The following DDX60L variants were observed in gnomAD, a reference collection of about 807,000 sequenced individuals.
DDX60L encodes the protein probable ATP-dependent RNA helicase DDX60-like.
A neutral mutation model predicts 211.6 loss-of-function variants in DDX60L; 191 were observed. The ratio of observed to expected loss-of-function variants is 0.90; its 90% confidence interval spans 0.80 to 1.02. The LOEUF is 1.02. Among genes scored for constraint, DDX60L ranks in the 50% least tolerant of loss-of-function variants. DDX60L has a pLI of 0.00. For missense variants in DDX60L, 2,007 were observed against 1,984.1 expected (o/e 1.01, Z -0.22); for synonymous variants, 706 against 694.1 (o/e 1.02, Z -0.27).
intron 29 of DDX60L, chr4:168,390,065 T>G (rs1744528415): frequency 1.1e-6 from 1 of 904,354 alleles, no homozygotes; most frequent in Non-Finnish European, 1.3e-6. Flanking sequence ...CAGAAAGGTC[T>G]GCCACCTGAC....
chr4:168,419,133 A>T (rs908600392), intron 19 of DDX60L, among the ~76,000 whole-genome samples, 169 bp downstream of exon 19: 5 of 152,188 alleles, frequency 3.3e-5, no homozygotes, highest in Admixed American at 2.6e-4. Context: ...TAGTAAAAAC[A>T]CTTTTCTAAA....
In DDX60L at chr4:168,390,965, C is replaced by T. The variant is rs575873246; in HGVS notation, c.3915+575G>A. ...ATTCCACTAAAATGATAACAAAAAC[C>T]TTTTTAAAAAAAAAGCATACTCCCA... On this transcript the variant is annotated intron_variant, in intron 29 of 37. Transcript: ENST00000682922. 2.2e-3 allele frequency among the ~76,000 whole-genome samples: 307 copies of T among 142,670 alleles called. 2 individuals are homozygous for T. The highest frequency in any genetic ancestry group is 7.6e-3 in the African/African-American group (298 of 39,304). The allele number at this position is 142,670 out of a possible 152,430, so 93.6% of individuals were successfully genotyped here. A position where few individuals can be genotyped will look rare whatever the true frequency, so the allele number is the denominator to read the frequency against.
intron 19 of DDX60L, among the ~76,000 whole-genome samples, chr4:168,417,902 C>T (rs1429300913): frequency 1.3e-5 from 2 of 152,122 alleles, no homozygotes; most frequent in Non-Finnish European, 2.9e-5. Context: ...TTTTCATATC[C>T]CTTCTGACTT....
chr4:168,387,375 T>C (rs1372636990), intron 29 of DDX60L, among the ~76,000 whole-genome samples: 3 of 152,222 alleles, frequency 2.0e-5, no homozygotes, highest in Admixed American at 6.5e-5. Flanking sequence ...AGAGCTCAAC[T>C]ATTTCAACCA....
At chr4:168,452,291 T>C (rs1308052681) in intron 8 of DDX60L, among the ~76,000 whole-genome samples, 2 of 152,188 alleles carry the variant, frequency 1.3e-5, no homozygotes. Flanking sequence ...TTTCAGAAAA[T>C]CTATTCAAGG....
chr4:168,415,858 T>C, intron 20 of DDX60L, 59 bp from the exon 21 acceptor site: 2 of 1,337,198 alleles, frequency 1.5e-6, no homozygotes, highest in Non-Finnish European at 2.0e-6. Flanking sequence ...ATCAAGAACT[T>C]GGATATTTTA....
intron 20 of DDX60L, among the ~76,000 whole-genome samples, chr4:168,416,118 G>A (rs985201850): frequency 2.6e-5 from 4 of 152,196 alleles, no homozygotes; most frequent in East Asian, 3.8e-4. Context: ...TACTGCCATC[G>A]TCGCTGTTAC....
intron 8 of DDX60L, among the ~76,000 whole-genome samples, chr4:168,449,657 AAAAAAAAAG>A (rs1408810033): frequency 1.3e-4 from 11 of 84,322 alleles, no homozygotes; most frequent in Admixed American, 2.3e-4. Context: ...AAATGCAAAA[AAAAAAAAAG>A]AAAAAAGAAA....
chr4:168,363,519 T>C (rs1000530188), intron 36 of DDX60L, among the ~76,000 whole-genome samples: 1 of 152,176 alleles, frequency 6.6e-6, no homozygotes, highest in Non-Finnish European at 1.5e-5. Context: ...GACTAAAGAA[T>C]ACACAATAGA....
intron 24 of DDX60L, among the ~76,000 whole-genome samples, chr4:168,405,373 G>A (rs1561001240): frequency 6.6e-6 from 1 of 152,072 alleles, no homozygotes; most frequent in Non-Finnish European, 1.5e-5. Context: ...AAACATGACA[G>A]TCAGCAAACT....
chr4:168,358,524 C>CTTTTTT (rs70961514), intron 37 of DDX60L, among the ~76,000 whole-genome samples: 311 of 108,240 alleles, frequency 2.9e-3, no homozygotes, highest in Middle Eastern at 4.7e-3. Flanking sequence ...TTTTCTTTTT[C>CTTTTTT]TTTTTTTTTT....
intron 4 of DDX60L, among the ~76,000 whole-genome samples, chr4:168,467,496 C>T (rs189119973): frequency 2.1e-5 from 3 of 140,400 alleles, no homozygotes; most frequent in Admixed American, 2.1e-4. Context: ...AACATCACTA[C>T]AAATCTTTAG....
rs1029731068 is a variant in DDX60L, at chr4:168,447,286, C to T, written c.1138+1352G>A. Among the ~76,000 whole-genome samples the T allele has an allele frequency of 6.3e-4, 95 of 150,456 alleles. 1 individual carries two copies. Among genetic ancestry groups the T allele is most frequent in the African/African-American group, 2.2e-3 (92 of 41,154 alleles). ...GCCAAAAAACACATGAAAAAATGCT[C>T]ATCATCACTGGCCATCAGAGAAATG... On this transcript the variant is annotated intron_variant, in intron 9 of 37. Coordinates refer to ENST00000682922, the MANE Select transcript of DDX60L (RefSeq NM_001012967.3).
chr4:168,405,439 C>G (rs1747577764), intron 24 of DDX60L, among the ~76,000 whole-genome samples: 1 of 152,204 alleles, frequency 6.6e-6, no homozygotes, highest in Non-Finnish European at 1.5e-5. Context: ...CTCAGCATAG[C>G]CACCTACGAG....
Position 168,393,231 on chromosome 4 carries a change from C to T in DDX60L, c.3810+1234G>A, listed in dbSNP as rs1305382125. On this transcript the variant is annotated intron_variant, in intron 28 of 37. Transcript: ENST00000682922. Reference sequence around the variant, plus strand: ...ACAAAAATGGCTGGGCATGGTGGCTCACGCCTGTAATACCAGCATTTCGGG... The same window carrying T: ...ACAAAAATGGCTGGGCATGGTGGCTTACGCCTGTAATACCAGCATTTCGGG... Among the ~76,000 whole-genome samples the T allele has an allele frequency of 2.0e-5, 3 of 152,200 alleles. No homozygotes were observed. The East Asian group carries it at 5.8e-4, about 29-fold the overall frequency.
intron 10 of DDX60L, among the ~76,000 whole-genome samples, chr4:168,440,617 G>A (rs1753689384): frequency 6.6e-6 from 1 of 152,046 alleles, no homozygotes; most frequent in African/African-American, 2.4e-5. Flanking sequence ...CCTTCCCCCA[G>A]CTAACTATTA....
chr4:168,371,700 C>G lies in DDX60L; in HGVS notation c.4840G>C (p.Asp1614His), dbSNP rs1741052828. 6.2e-7 allele frequency: 1 copy of G among 1,612,042 alleles called. No homozygotes were observed. Among genetic ancestry groups the G allele is most frequent in the Non-Finnish European group, 8.5e-7 (1 of 1,179,034 alleles). Residue 1614 changes from aspartate to histidine, a missense_variant, in exon 36 of 38, where the codon GAT becomes CAT. Physicochemically the swap from Asp to His is moderately conservative, Grantham distance 81. Transcript: ENST00000682922. ...AGTGGCATTCTCCTTCCTCGGTTATCTAATTTCCATGGCCACAGCAGAGGA... is the reference window on the plus strand; with the variant it reads ...AGTGGCATTCTCCTTCCTCGGTTATGTAATTTCCATGGCCACAGCAGAGGA... ...QAPLLWPWKL[D>H]NRGRRMPLNA...
chr4:168,369,078 T>C (rs933372713), intron 36 of DDX60L, among the ~76,000 whole-genome samples: 5 of 152,192 alleles, frequency 3.3e-5, no homozygotes, highest in African/African-American at 9.7e-5. Context: ...TGATTGGTTT[T>C]GAAATGTGAG....
chr4:168,373,506 A>G (rs1422279887), intron 35 of DDX60L, among the ~76,000 whole-genome samples, 160 bp downstream of exon 35: 1 of 152,146 alleles, frequency 6.6e-6, no homozygotes, highest in East Asian at 1.9e-4. Context: ...TAGAGCATAA[A>G]TCACACTGGC....
Sources: gnomAD v4.1 joint callset for allele counts (sites outside exome capture counted in the v4.1 genomes callset) on GRCh38, gnomAD v4.1.1 for gene constraint, MANE v1.5 for transcripts, NCBI Gene and HGNC (gene_info 2026-07-23, HGNC 2026-07-21) for gene names.